NLRC5: variants seen among roughly 807,000 people sequenced by gnomAD.
NLRC5 encodes protein NLRC5.
A neutral mutation model predicts 206.9 loss-of-function variants in NLRC5; 114 were observed. The ratio of observed to expected loss-of-function variants is 0.55; its 90% CI spans 0.47 to 0.64. NLRC5 has a LOEUF of 0.64. Ranked by LOEUF, NLRC5 falls within the 30% of genes least tolerant of loss-of-function variation. The pLI is 0.00. For missense variants in NLRC5, 2,008 were observed against 2,305.5 expected (o/e 0.87, Z 2.64); for synonymous variants, 952 against 962.8 (o/e 0.99, Z 0.21).
intron 41 of NLRC5, 45 bp from the exon 42 acceptor site, chr16:57,077,674 G>A (rs780223472): frequency 6.6e-7 from 1 of 1,522,842 alleles, no homozygotes; most frequent in Admixed American, 2.1e-5. Flanking sequence ...GGGGTGTCGG[G>A]GAGAGGGGGC....
rs1208922500 is a variant in NLRC5, at chr16:57,055,416, C to T, written c.3660-17C>T. 3 of 1,612,548 alleles carry T rather than the reference C, an allele frequency of 1.9e-6. No homozygotes were observed. The highest frequency in any genetic ancestry group is 2.5e-6 in the Non-Finnish European group (3 of 1,178,878). On this transcript the variant is annotated splice_polypyrimidine_tract_variant and intron_variant, in intron 26 of 48. Coordinates refer to ENST00000688547, the MANE Select transcript of NLRC5 (RefSeq NM_001384950.1). ...CAAACGCCCCATCCCCTGCTTGTCC[C>T]CTTTACCTCCGTCCAGCAGGTTCAC...
At chr16:57,051,131 T>A (rs2064843056) in intron 23 of NLRC5, among the ~76,000 whole-genome samples, 1 of 152,196 alleles carries the variant, frequency 6.6e-6, no homozygotes, top group African/African-American at 2.4e-5. Context: ...AGTGCTGCGA[T>A]TACAGGCATG....
chr16:57,076,543 G>A (rs2068426350), intron 39 of NLRC5, among the ~76,000 whole-genome samples: 1 of 152,258 alleles, frequency 6.6e-6, no homozygotes, highest in African/African-American at 2.4e-5. Flanking sequence ...TCCTGGGCCA[G>A]GGGCTCTGGA....
At chr16:56,998,194 CTTTT>C (rs201515449) in intron 1 of NLRC5, among the ~76,000 whole-genome samples, 2 of 137,708 alleles carry the variant, frequency 1.5e-5, no homozygotes, top group Non-Finnish European at 3.1e-5. Flanking sequence ...TCACTGATGT[CTTTT>C]TTTTTTTTTT....
At chr16:57,005,498 TA>T (rs10707313) in intron 1 of NLRC5, among the ~76,000 whole-genome samples, 120,052 of 144,510 alleles carry the variant, frequency 0.83, 49,731 homozygotes, top group East Asian at 0.91. Flanking sequence ...ATCTTAATAT[TA>T]AAAAAAAAAA....
intron 3 of NLRC5, among the ~76,000 whole-genome samples, chr16:57,021,276 AATGCCCGAGAG>A (rs1293762672): frequency 6.6e-6 from 1 of 151,408 alleles, no homozygotes. Context: ...CATAGCCCAT[AATGCCCGAGAG>A]ATTTATTTCT....
intron 36 of NLRC5, among the ~76,000 whole-genome samples, chr16:57,068,335 G>A (rs2144835429): frequency 6.6e-6 from 1 of 151,706 alleles, no homozygotes; most frequent in South Asian, 2.1e-4. Flanking sequence ...GGAGGCTGAG[G>A]CACAAGAATT....
intron 32 of NLRC5, among the ~76,000 whole-genome samples, chr16:57,063,689 C>A (rs1452098572): frequency 6.6e-6 from 1 of 152,028 alleles, no homozygotes; most frequent in Non-Finnish European, 1.5e-5. Flanking sequence ...GCCAGAAAGT[C>A]CCAGCTTTCA....
chr16:56,991,881 C>T (rs1208783021), intron 1 of NLRC5: 2 of 152,086 alleles, frequency 1.3e-5, no homozygotes, highest in Non-Finnish European at 2.9e-5. Context: ...GCCTAACCCT[C>T]GGCGCCTCCT....
intron 1 of NLRC5, among the ~76,000 whole-genome samples, chr16:57,009,612 C>A (rs1618910): frequency 0.99 from 150,893 of 152,314 alleles, 74,762 homozygotes; most frequent in East Asian, 1. Context: ...AATACAAGAA[C>A]ATATTATATA....
Position 57,069,917 on chromosome 16 carries a change from G to T in NLRC5, c.4581G>T (p.Leu1527=). Residue 1527 remains leucine (L), a splice_region_variant and synonymous_variant, in exon 37 of 49, where the codon CTG becomes CTT. Transcript: ENST00000688547. ...GLGHCHHLEE[L]DLSNNQFDEE... is the part of the protein sequence containing the mutation. ...GCCACTGCCACCACTTGGAGGAGCT[G>T]GAGTGAGTTGCAGAGTGGAGGGATT... is the stretch of plus-strand genomic sequence containing the variant. 2 of 1,573,036 alleles carry T rather than the reference G, an allele frequency of 1.3e-6. No homozygotes were observed. The highest frequency in any genetic ancestry group is 1.7e-6 in the Non-Finnish European group (2 of 1,159,738).
intron 39 of NLRC5, 101 bp downstream of exon 39, chr16:57,074,784 C>A (rs1241221709): frequency 8.8e-7 from 1 of 1,131,824 alleles, no homozygotes; most frequent in Non-Finnish European, 1.3e-6. Context: ...CCCAGGGGAT[C>A]CTTTGCGGAT....
rs1597466597 is a variant in NLRC5 at position 57,079,037 on chromosome 16, C to A, written c.5082-13C>A. 1.9e-6 allele frequency: 3 copies of A among 1,613,106 alleles called. No individual in the cohort carries two copies. Among genetic ancestry groups the A allele is most frequent in the Middle Eastern group, 1.7e-4 (1 of 6,058 alleles). On this transcript the variant is annotated splice_polypyrimidine_tract_variant and intron_variant, in intron 43 of 48. Coordinates refer to ENST00000688547, the MANE Select transcript of NLRC5 (RefSeq NM_001384950.1). ...GTCCCTCAGGCTCCTCTCACCCTCT[C>A]CTCTTTCCCCAGCCTACCATTCAGC...
intron 1 of NLRC5, among the ~76,000 whole-genome samples, chr16:57,016,148 G>A (rs1379587374): frequency 1.3e-5 from 2 of 151,920 alleles, no homozygotes; most frequent in Admixed American, 6.6e-5. Context: ...CTAGGAGGTG[G>A]AGGTTGCAGT....
chr16:57,029,282 T>G (rs1431779780), intron 8 of NLRC5, among the ~76,000 whole-genome samples: 1 of 152,184 alleles, frequency 6.6e-6, no homozygotes, highest in Non-Finnish European at 1.5e-5. Flanking sequence ...TCTCCCCAGC[T>G]AGGAACCCAG....
chr16:57,035,814 C>G (rs78279261), intron 13 of NLRC5, among the ~76,000 whole-genome samples: 2,879 of 152,300 alleles, frequency 0.019, 81 homozygotes, highest in African/African-American at 0.066. Flanking sequence ...AGTGCCTTAA[C>G]TTTACTCTGC....
chr16:57,058,915 C>G, intron 28 of NLRC5, 57 bp from the exon 29 acceptor site: 2 of 1,421,054 alleles, frequency 1.4e-6, no homozygotes, highest in Non-Finnish European at 1.0e-6. Flanking sequence ...GGGGGCTGGG[C>G]AGGGCTCCAA....
rs1567566696 is a variant in NLRC5, at chr16:57,031,409, CG to C, written c.2425del (p.Asp809ThrfsTer37). On this transcript the variant is annotated frameshift_variant, in exon 11 of 49. Transcript: ENST00000688547. LOFTEE classifies it high-confidence loss of function. ...CTTGGTATCTGATCCTGCAGGGAGG[CG>C]GACCTCATCTTCCTTCTTTCCCCGC... ...PTVRMLQARE[A>X]DLIFLLSPPT... 6.2e-7 allele frequency: 1 copy of C among 1,613,626 alleles called. No homozygotes were observed. Among genetic ancestry groups the C allele is most frequent in the Non-Finnish European group, 8.5e-7 (1 of 1,179,868 alleles).
At chr16:57,025,271 G>A in intron 5 of NLRC5, 97 bp from the exon 6 acceptor site, 12 of 1,481,696 alleles carry the variant, frequency 8.1e-6, no homozygotes, top group Non-Finnish European at 1.1e-5. Flanking sequence ...ATACACATCT[G>A]GGGCTACAGG....
Sources: gnomAD v4.1 joint callset for allele counts (sites outside exome capture counted in the v4.1 genomes callset) on GRCh38, gnomAD v4.1.1 for gene constraint, MANE v1.5 for transcripts, NCBI Gene and HGNC (gene_info 2026-07-23, HGNC 2026-07-21) for gene names.